Variants in SOX5 observed in about 807,000 individuals in gnomAD.
The protein encoded by SOX5 is transcription factor SOX-5.
A neutral mutation model predicts 92.0 loss-of-function variants in SOX5; 9 were observed. That is an observed-to-expected ratio of 0.10 (90% CI 0.06 to 0.17). The LOEUF (loss-of-function observed/expected upper bound fraction) is 0.17, where lower values mean the gene tolerates loss of function less well. Ranked by LOEUF, SOX5 falls within the 10% of genes least tolerant of loss-of-function variation. The pLI, the probability that SOX5 is intolerant of heterozygous loss-of-function variation, is 1.00. For synonymous variants in SOX5, 344 were observed against 336.3 expected (o/e 1.02, Z -0.25); for missense variants, 642 against 944.5 (o/e 0.68, Z 4.20).
At chr12:24,041,299 C>T (rs182846801) in intron 4 of SOX5, among the ~76,000 whole-genome samples, 71 of 152,234 alleles carry the variant, frequency 4.7e-4, no homozygotes, top group African/African-American at 1.6e-3. Flanking sequence ...CATATAGTTT[C>T]AGTGTCTCTA....
intron 3 of SOX5, among the ~76,000 whole-genome samples, chr12:24,236,949 C>T (rs1198449947): frequency 6.6e-6 from 1 of 151,902 alleles, no homozygotes; most frequent in Non-Finnish European, 1.5e-5. Flanking sequence ...TCAGTGAATC[C>T]TCTAGAAGCC....
intron 3 of SOX5, among the ~76,000 whole-genome samples, chr12:23,841,174 C>A (rs369599119): frequency 1.3e-5 from 2 of 151,946 alleles, no homozygotes; most frequent in East Asian, 1.9e-4. Context: ...AAAGATCTAA[C>A]CAGGCACTTC....
intron 1 of SOX5, among the ~76,000 whole-genome samples, chr12:23,907,068 GT>G (rs1259222367): frequency 6.6e-6 from 1 of 152,132 alleles, no homozygotes; most frequent in African/African-American, 2.4e-5. Context: ...AGAACAATTG[GT>G]AGTGAAAAAG....
chr12:24,093,031 T>TA lies in SOX5; in HGVS notation c.-2+120311dup, dbSNP rs1944848931. 2.0e-5 allele frequency among the ~76,000 whole-genome samples: 3 copies of TA among 151,908 alleles called. No homozygotes were observed. In the South Asian group the frequency reaches 6.2e-4, roughly 32 times the overall value. On this transcript the variant is annotated intron_variant, in intron 4 of 4. Coordinates refer to the SOX5 transcript ENST00000446891. ...TCATCTTAAAAAATCATGAGCTAAATAAAAAAATCATGAGCTAAATAAAAA... is the reference window on the plus strand; with the variant it reads ...TCATCTTAAAAAATCATGAGCTAAATAAAAAAAATCATGAGCTAAATAAAAA...
At chr12:23,720,386 G>A (rs983564111) in intron 6 of SOX5, among the ~76,000 whole-genome samples, 2 of 152,124 alleles carry the variant, frequency 1.3e-5, no homozygotes, top group Non-Finnish European at 2.9e-5. Flanking sequence ...ACATAACAAG[G>A]TATCAAAGAG....
chr12:23,856,499 C>A (rs1485992455), intron 2 of SOX5, among the ~76,000 whole-genome samples: 1 of 151,988 alleles, frequency 6.6e-6, no homozygotes, highest in Non-Finnish European at 1.5e-5. Flanking sequence ...TGCTATTTAA[C>A]ATATGATGAA....
chr12:24,372,283 G>C (rs1956815240), intron 1 of SOX5, among the ~76,000 whole-genome samples: 1 of 151,680 alleles, frequency 6.6e-6, no homozygotes, highest in African/African-American at 2.4e-5. Context: ...ATCCCCACTA[G>C]CCCCCCAGCC....
intron 4 of SOX5, among the ~76,000 whole-genome samples, chr12:24,087,954 G>A (rs1353575015): frequency 6.6e-6 from 1 of 151,930 alleles, no homozygotes; most frequent in Non-Finnish European, 1.5e-5. Context: ...GGAAAGGCAG[G>A]CTCTTTAGCC....
intron 1 of SOX5, among the ~76,000 whole-genome samples, chr12:24,521,029 A>C (rs1040946301): frequency 2.0e-5 from 3 of 152,148 alleles, no homozygotes; most frequent in African/African-American, 7.2e-5. Flanking sequence ...TGAAGGAAGA[A>C]ATTGACAGTA....
At chr12:23,893,673 C>T (rs990970332) in intron 2 of SOX5, among the ~76,000 whole-genome samples, 1 of 152,066 alleles carries the variant, frequency 6.6e-6, no homozygotes, top group African/African-American at 2.4e-5. Flanking sequence ...TCACAACATT[C>T]CTAATTAGAT....
chr12:24,414,201 C>T (rs1596406247), intron 1 of SOX5, among the ~76,000 whole-genome samples: 1 of 152,096 alleles, frequency 6.6e-6, no homozygotes, highest in East Asian at 1.9e-4. Context: ...AAATGTATCC[C>T]AGTATTATTA....
chr12:23,916,719 C>G lies in SOX5; in HGVS notation c.39-20695G>C, dbSNP rs115594063. 9.1e-3 allele frequency among the ~76,000 whole-genome samples: 1,383 copies of G among 152,152 alleles called. 21 individuals are homozygous for G. Among genetic ancestry groups the G allele is most frequent in the African/African-American group, 0.031 (1,305 of 41,500 alleles). On this transcript the variant is annotated intron_variant, in intron 1 of 14. Transcript: ENST00000451604. The stretch of plus-strand genomic sequence containing the variant: ...TAATAAATAATCAATGTAGCCTTTC[C>G]GGTTCTTAGAAACCCACAGGGAATT...
chr12:24,329,100 C>T (rs2055731), intron 2 of SOX5, among the ~76,000 whole-genome samples: 70,671 of 151,968 alleles, frequency 0.47, 17,930 homozygotes, highest in Admixed American at 0.62. Flanking sequence ...TACTAAAATG[C>T]TACCAAGGTT....
chr12:23,620,491 CTTTA>C (rs2138067455), intron 8 of SOX5, among the ~76,000 whole-genome samples: 1 of 152,074 alleles, frequency 6.6e-6, no homozygotes, highest in African/African-American at 2.4e-5. Flanking sequence ...TGAGCCTCAT[CTTTA>C]TTTAAATATT....
intron 6 of SOX5, among the ~76,000 whole-genome samples, chr12:23,681,289 C>A (rs1437640147): frequency 6.6e-6 from 1 of 151,234 alleles, no homozygotes; most frequent in Non-Finnish European, 1.5e-5. Context: ...AGATAATACC[C>A]AAACTGATAA....
At chr12:23,740,827 A>G (rs745332939) in intron 5 of SOX5, 40 bp downstream of exon 5, 1 of 1,539,130 alleles carries the variant, frequency 6.5e-7, no homozygotes. Context: ...AGGCAAAGTA[A>G]TGTCTGAGGA....
At chr12:23,903,932 G>T (rs2097263951) in intron 1 of SOX5, among the ~76,000 whole-genome samples, 1 of 152,108 alleles carries the variant, frequency 6.6e-6, no homozygotes, top group South Asian at 2.1e-4. Flanking sequence ...TCAAATGAAT[G>T]AAACAACAAA....
intron 4 of SOX5, among the ~76,000 whole-genome samples, chr12:24,130,359 C>T (rs1272571249): frequency 1.3e-5 from 2 of 152,078 alleles, no homozygotes; most frequent in Admixed American, 1.3e-4. Context: ...AATATATTGA[C>T]AGAGAACATA....
intron 1 of SOX5, among the ~76,000 whole-genome samples, chr12:24,489,481 A>G (rs1388210670): frequency 6.6e-6 from 1 of 152,158 alleles, no homozygotes; most frequent in Non-Finnish European, 1.5e-5. Flanking sequence ...AAGAAACCCA[A>G]GGCCCAGAGA....
Sources: allele counts gnomAD v4.1 joint callset (sites outside exome capture counted in the v4.1 genomes callset), GRCh38; gene constraint gnomAD v4.1.1; transcripts MANE v1.5; gene names NCBI Gene and HGNC (gene_info 2026-07-23, HGNC 2026-07-21).